Variants in ANXA8 observed in about 807,000 individuals in gnomAD.
The protein encoded by ANXA8 is VAC-beta.
In ANXA8, 9 loss-of-function variants were observed where a neutral mutation model predicts 26.8. That is an observed-to-expected ratio of 0.34 (90% CI 0.20 to 0.59). ANXA8 has a LOEUF of 0.59. Ranked by LOEUF, ANXA8 falls within the 20% of genes least tolerant of loss-of-function variation. The pLI is 0.84. For synonymous variants in ANXA8, 39 were observed against 94.8 expected, an observed-to-expected ratio of 0.41 and a Z score of 3.42; for missense variants, 83 against 238.5, an observed-to-expected ratio of 0.35 and a Z score of 4.29.
chr10:47,959,284 G>A, the ANXA8 span, among the ~76,000 whole-genome samples: 3 of 147,234 alleles, frequency 2.0e-5, no homozygotes, highest in South Asian at 4.2e-4. Flanking sequence ...CGTTGCAGGG[G>A]ACTTGGGGTA....
chr10:47,980,560 C>A, the ANXA8 span, among the ~76,000 whole-genome samples: 5 of 151,458 alleles, frequency 3.3e-5, no homozygotes, highest in South Asian at 4.2e-4. Context: ...ATTTCATTCC[C>A]TATACATTAA....
At chr10:47,546,250 C>A in the ANXA8 span, among the ~76,000 whole-genome samples, 2 of 136,552 alleles carry the variant, frequency 1.5e-5, no homozygotes, top group African/African-American at 5.3e-5. Flanking sequence ...GGGAAGTATA[C>A]AATGGAAACC....
At chr10:47,771,552 A>T in the ANXA8 span, among the ~76,000 whole-genome samples, 2 of 151,618 alleles carry the variant, frequency 1.3e-5, no homozygotes, top group Non-Finnish European at 2.9e-5. Context: ...ATTCTTTACA[A>T]CCACCATCTA....
the ANXA8 span, among the ~76,000 whole-genome samples, chr10:47,945,213 A>G: frequency 1.3e-5 from 2 of 149,624 alleles, no homozygotes; most frequent in Non-Finnish European, 3.0e-5. Context: ...ACTGTTGTCC[A>G]CTTCCTCAGG....
At chr10:47,768,562 G>C in the ANXA8 span, among the ~76,000 whole-genome samples, 3 of 150,796 alleles carry the variant, frequency 2.0e-5, no homozygotes, top group Non-Finnish European at 4.4e-5. Context: ...TTGAGGGCTG[G>C]GGCTGTGATG....
chr10:47,483,519 G>A (rs1839921634), intron 1 of ANXA8, among the ~76,000 whole-genome samples: 2 of 135,738 alleles, frequency 1.5e-5, no homozygotes, highest in Admixed American at 1.4e-4. Context: ...CCTCTGCCAG[G>A]AGCAGTATGC....
chr10:47,664,985 C>T, the ANXA8 span, among the ~76,000 whole-genome samples: 7 of 142,920 alleles, frequency 4.9e-5, no homozygotes, highest in South Asian at 8.6e-4. Flanking sequence ...CCTTGGCCTC[C>T]CAAAGTGCTG....
At chr10:47,649,452 C>A in the ANXA8 span, among the ~76,000 whole-genome samples, 1 of 151,296 alleles carries the variant, frequency 6.6e-6, no homozygotes, top group Non-Finnish European at 1.5e-5. Flanking sequence ...CTCTGTTGCC[C>A]AGGCTGGAGT....
the ANXA8 span, among the ~76,000 whole-genome samples, chr10:47,679,764 T>C: frequency 2.0e-5 from 3 of 151,606 alleles, no homozygotes; most frequent in South Asian, 2.1e-4. Flanking sequence ...CAAAAAAAAG[T>C]TTAAAAAGGC....
the ANXA8 span, among the ~76,000 whole-genome samples, chr10:47,588,430 G>A: frequency 3.8e-3 from 524 of 136,376 alleles, 10 homozygotes; most frequent in African/African-American, 0.017. Context: ...CTTAACAGCT[G>A]TTGATTGGAA....
chr10:47,942,362 T>C, the ANXA8 span, among the ~76,000 whole-genome samples: 1 of 144,380 alleles, frequency 6.9e-6, no homozygotes, highest in Non-Finnish European at 1.5e-5. Flanking sequence ...TTTTGCAAAA[T>C]TGCTTTCCTG....
At chr10:47,942,506 A>G in the ANXA8 span, among the ~76,000 whole-genome samples, 2,650 of 138,994 alleles carry the variant, frequency 0.019, 295 homozygotes, top group African/African-American at 0.073. Flanking sequence ...TCTCCCACAG[A>G]TTGCTGGCTG....
At chr10:47,653,178 G>C in the ANXA8 span, among the ~76,000 whole-genome samples, 1 of 150,468 alleles carries the variant, frequency 6.6e-6, no homozygotes, top group Non-Finnish European at 1.5e-5. Context: ...CAGGCATGGT[G>C]GTGGGTGCCT....
the ANXA8 span, among the ~76,000 whole-genome samples, chr10:47,945,349 C>T: frequency 6.0e-5 from 9 of 150,570 alleles, 1 homozygote; most frequent in Middle Eastern, 3.4e-3. Context: ...GCAGGTGACT[C>T]GATGTTATGG....
At chr10:47,644,823 T>A in the ANXA8 span, among the ~76,000 whole-genome samples, 4 of 150,952 alleles carry the variant, frequency 2.6e-5, no homozygotes, top group Admixed American at 2.6e-4. Context: ...AAAACACTGA[T>A]GATAATGTTA....
At chr10:47,565,320 C>G in the ANXA8 span, 2 of 509,826 alleles carry the variant, frequency 3.9e-6, no homozygotes. Context: ...GGCCCGAGCG[C>G]GGGCAGGAAG....
the ANXA8 span, chr10:47,918,670 CGCAGGCA>C: frequency 5.5e-5 from 2 of 36,170 alleles, 1 homozygote; most frequent in South Asian, 1.7e-3. Flanking sequence ...CCACTCTGCA[CGCAGGCA>C]GCATCGGGGC....
the ANXA8 span, among the ~76,000 whole-genome samples, chr10:47,639,482 T>A: frequency 1.3e-5 from 2 of 152,398 alleles, no homozygotes; most frequent in African/African-American, 4.8e-5. Context: ...CCGGCTAATT[T>A]TTTGTGTGTG....
the ANXA8 span, among the ~76,000 whole-genome samples, chr10:47,977,217 G>A: frequency 8.8e-5 from 9 of 102,046 alleles, no homozygotes; most frequent in Middle Eastern, 4.3e-3. Flanking sequence ...GAAAGACTTC[G>A]GTGGCTACAC....
Sources: allele counts gnomAD v4.1 joint callset (sites outside exome capture counted in the v4.1 genomes callset), GRCh38; gene constraint gnomAD v4.1.1; transcripts MANE v1.5; gene names NCBI Gene and HGNC (gene_info 2026-07-23, HGNC 2026-07-21).